The following ARSB variants were observed in gnomAD, a reference collection of about 807,000 sequenced individuals.
ARSB encodes the protein arylsulfatase B, also known as N-acetylgalactosamine-4-sulfatase.
In ARSB, 41 loss-of-function variants were observed where a neutral mutation model predicts 50.9. The ratio of observed to expected loss-of-function variants is 0.81; its 90% CI spans 0.63 to 1.04. ARSB has a LOEUF of 1.04. Ranked by LOEUF, ARSB falls within the 50% of genes least tolerant of loss-of-function variation. The probability of loss-of-function intolerance (pLI) is 0.00; values close to 1 mark genes in which losing one functional copy is unlikely to be tolerated. For missense variants in ARSB, 672 were observed against 693.3 expected (o/e 0.97, Z 0.35); for synonymous variants, 269 against 284.8 (o/e 0.94, Z 0.56).
At chr5:78,942,743 G>A (rs960396224) in intron 4 of ARSB, among the ~76,000 whole-genome samples, 8 of 152,136 alleles carry the variant, frequency 5.3e-5, no homozygotes, top group Non-Finnish European at 1.0e-4. Context: ...GTGCTGAAAA[G>A]AATGTATATT....
chr5:78,824,345 A>G (rs1377473193), intron 6 of ARSB, among the ~76,000 whole-genome samples: 3 of 152,250 alleles, frequency 2.0e-5, no homozygotes, highest in Non-Finnish European at 2.9e-5. Flanking sequence ...ATTTAGTCTT[A>G]AATACTTATA....
chr5:78,944,761 G>C (rs916811243), intron 4 of ARSB, among the ~76,000 whole-genome samples: 1 of 152,230 alleles, frequency 6.6e-6, no homozygotes, highest in African/African-American at 2.4e-5. Context: ...TCCGTTCTCA[G>C]ATCTCAAGCT....
intron 4 of ARSB, among the ~76,000 whole-genome samples, chr5:78,910,457 T>C (rs1347753621): frequency 6.6e-6 from 1 of 152,228 alleles, no homozygotes; most frequent in African/African-American, 2.4e-5. Context: ...CCATCTATTG[T>C]TACATCACAT....
At chr5:78,918,900 G>A (rs556740729) in intron 4 of ARSB, among the ~76,000 whole-genome samples, 10 of 152,198 alleles carry the variant, frequency 6.6e-5, no homozygotes, top group East Asian at 1.9e-4. Flanking sequence ...CCCCTCTGCC[G>A]ATGAAAGTTA....
chr5:78,976,669 T>C (rs1580155983), intron 1 of ARSB, among the ~76,000 whole-genome samples: 5 of 152,380 alleles, frequency 3.3e-5, no homozygotes, highest in Admixed American at 3.3e-4. Flanking sequence ...TGGAATTACA[T>C]GCATCCAAAG....
At chr5:78,974,605 C>T (rs1752587492) in intron 1 of ARSB, among the ~76,000 whole-genome samples, 1 of 152,168 alleles carries the variant, frequency 6.6e-6, no homozygotes, top group Non-Finnish European at 1.5e-5. Flanking sequence ...AATGACAAAC[C>T]TCGTAAATCA....
At chr5:78,931,773 G>C (rs187182035) in intron 4 of ARSB, among the ~76,000 whole-genome samples, 2 of 151,966 alleles carry the variant, frequency 1.3e-5, no homozygotes, top group South Asian at 4.2e-4. Flanking sequence ...ATCTCATCTC[G>C]AATTGTAATC....
intron 4 of ARSB, among the ~76,000 whole-genome samples, chr5:78,934,229 G>A (rs1750482756): frequency 6.6e-6 from 1 of 152,140 alleles, no homozygotes; most frequent in South Asian, 2.1e-4. Context: ...CAGATAATCA[G>A]TGTAGCTACA....
At chr5:78,870,075 A>G (rs954218191) in intron 5 of ARSB, among the ~76,000 whole-genome samples, 5 of 130,466 alleles carry the variant, frequency 3.8e-5, no homozygotes, top group African/African-American at 5.5e-5. Context: ...AGAAATGGAT[A>G]CATTCCTCGA....
chr5:78,885,927 A>C, intron 4 of ARSB, 100 bp from the exon 5 acceptor site: 1 of 1,573,960 alleles, frequency 6.4e-7, no homozygotes, highest in Non-Finnish European at 8.7e-7. Context: ...GTGCTTAAAT[A>C]ATAAAAAAAA....
chr5:78,840,881 C>T (rs925121005), intron 5 of ARSB, among the ~76,000 whole-genome samples: 1 of 152,006 alleles, frequency 6.6e-6, no homozygotes, highest in African/African-American at 2.4e-5. Flanking sequence ...GTCCAAAATG[C>T]CAGGAACTAC....
chr5:78,847,575 T>A (rs985294800), intron 5 of ARSB, among the ~76,000 whole-genome samples: 4 of 152,210 alleles, frequency 2.6e-5, no homozygotes, highest in African/African-American at 7.2e-5. Context: ...AATGCTGGTC[T>A]TGTGGAATAA....
chr5:78,868,486 G>C (rs1419559739), intron 5 of ARSB, among the ~76,000 whole-genome samples: 1 of 123,484 alleles, frequency 8.1e-6, no homozygotes, highest in East Asian at 2.0e-4. Context: ...CTACAAGCCA[G>C]AGGAGAGTGG....
intron 3 of ARSB, among the ~76,000 whole-genome samples, chr5:78,958,576 A>C (rs1751837150): frequency 6.6e-6 from 1 of 152,226 alleles, no homozygotes; most frequent in African/African-American, 2.4e-5. Context: ...AGACATTACC[A>C]TCACTTTTAT....
At position 78,901,956 on chromosome 5, in the gene ARSB, A is replaced by G. The variant is rs748581277; in HGVS notation, c.899-16129T>C. On this transcript the variant is annotated intron_variant, in intron 4 of 7. Coordinates refer to ENST00000264914, the MANE Select transcript of ARSB (RefSeq NM_000046.5). ...GTGTAACATGATGCAGCTGCTTTGA[A>G]AAACAGTGTCTTAGTCTTGTTTTCT... Among the ~76,000 whole-genome samples, 3 of 152,384 alleles carry G rather than the reference A, an allele frequency of 2.0e-5. No individual in the cohort carries two copies. The East Asian group carries it at 5.8e-4, about 29-fold the overall frequency.
At position 78,985,064 on chromosome 5, in the gene ARSB, A is replaced by T. The variant is rs779228581; in HGVS notation, c.185T>A (p.Phe62Tyr). The change falls in exon 1 of 8, where the codon TTC (phenylalanine) becomes TAC (tyrosine). Residue 62 changes from phenylalanine to tyrosine, a missense_variant. Phe to Tyr is a conservative substitution (Grantham distance 22). Transcript: ENST00000264914. Reference protein sequence around the residue: ...ADDLGWNDVGFHGSRIRTPHL... With the variant: ...ADDLGWNDVGYHGSRIRTPHL... Reference sequence around the variant, plus strand: ...CGGCGTGCGGATGCGGGAGCCGTGGAAGCCGACGTCGTTCCAGCCTAGGTC... The same window carrying T: ...CGGCGTGCGGATGCGGGAGCCGTGGTAGCCGACGTCGTTCCAGCCTAGGTC... The T allele has an allele frequency of 3.2e-5, 50 of 1,543,626 alleles. No homozygotes were observed. The African/African-American group carries it at 7.0e-4, about 22-fold the overall frequency.
chr5:78,851,946 T>A (rs1561459306), intron 5 of ARSB, among the ~76,000 whole-genome samples: 2 of 152,142 alleles, frequency 1.3e-5, no homozygotes, highest in African/African-American at 2.4e-5. Flanking sequence ...TTTTGAGCCT[T>A]TGTGTGTCTC....
intron 4 of ARSB, among the ~76,000 whole-genome samples, chr5:78,922,215 G>A (rs1313902488): frequency 7.0e-6 from 1 of 142,930 alleles, no homozygotes; most frequent in African/African-American, 2.6e-5. Flanking sequence ...GGGGGGAGGA[G>A]GGGGCACGTG....
At chr5:78,879,268 A>G (rs891115761) in intron 5 of ARSB, among the ~76,000 whole-genome samples, 1 of 152,198 alleles carries the variant, frequency 6.6e-6, no homozygotes, top group African/African-American at 2.4e-5. Flanking sequence ...TCTTCAAACA[A>G]CCTATAGGCT....
Sources: gnomAD v4.1 joint callset for allele counts (sites outside exome capture counted in the v4.1 genomes callset) on GRCh38, gnomAD v4.1.1 for gene constraint, MANE v1.5 for transcripts, NCBI Gene and HGNC (gene_info 2026-07-23, HGNC 2026-07-21) for gene names.